PTCD2: variants seen among roughly 807,000 people sequenced by gnomAD.
PTCD2 encodes pentatricopeptide repeat domain 2.
A neutral mutation model predicts 42.6 loss-of-function variants in PTCD2; 31 were observed. That is an observed-to-expected ratio of 0.73 (90% CI 0.55 to 0.98). PTCD2 has a LOEUF of 0.98. Among genes scored for constraint, PTCD2 ranks in the 50% least tolerant of loss-of-function variants. The pLI, the probability that PTCD2 is intolerant of heterozygous loss-of-function variation, is 0.00. For missense variants in PTCD2, 476 were observed against 454.8 expected (o/e 1.05, Z -0.42); for synonymous variants, 183 against 170.9 (o/e 1.07, Z -0.55).
intron 3 of PTCD2, among the ~76,000 whole-genome samples, chr5:72,328,552 G>C (rs910136145): frequency 6.6e-6 from 1 of 152,152 alleles, no homozygotes; most frequent in Non-Finnish European, 1.5e-5. Context: ...AGAGAGGGAA[G>C]AAATTGATGG....
intron 8 of PTCD2, among the ~76,000 whole-genome samples, chr5:72,346,799 G>A (rs1442617137): frequency 6.6e-6 from 1 of 152,152 alleles, no homozygotes; most frequent in East Asian, 1.9e-4. Context: ...GGACAGAATA[G>A]AACTGCTGGG....
At position 72,365,583 on chromosome 5, in the gene PTCD2, AG is replaced by A. The variant is rs951067402; in HGVS notation, c.*7159del. 6.6e-6 allele frequency: 1 copy of A among 152,212 alleles called. No individual in the cohort carries two copies. Among genetic ancestry groups the A allele is most frequent in the Non-Finnish European group, 1.5e-5 (1 of 68,048 alleles). The allele number at this position is 152,212 out of a possible 1,614,324, so 9.4% of individuals were successfully genotyped here. On this transcript the variant is annotated 3_prime_UTR_variant, in exon 10 of 10. Coordinates refer to ENST00000380639, the MANE Select transcript of PTCD2 (RefSeq NM_024754.5). ...CTGCTGATGTATTCTACCGCATCCC[AG>A]GGAGACTCATGTAGCCATGAAGACT...
Position 72,320,389 on chromosome 5 carries a change from C to G in PTCD2, c.7C>G (p.Arg3Gly), listed in dbSNP as rs1580129412. 1 of 1,614,042 alleles carries G rather than the reference C, an allele frequency of 6.2e-7. No individual in the cohort carries two copies. Among genetic ancestry groups the G allele is most frequent in the Non-Finnish European group, 8.5e-7 (1 of 1,179,990 alleles). Reference sequence around the variant, plus strand: ...CCCGGTTCCAGTAGTTGGTATGGTCCGAGACAGTATGGCTGCTGCATTTCG... The same window carrying G: ...CCCGGTTCCAGTAGTTGGTATGGTCGGAGACAGTATGGCTGCTGCATTTCG... Reference protein sequence around the residue: MVRDSMAAAFRPS... With the variant: MVGDSMAAAFRPS... The change falls in exon 1 of 10, where the codon CGA becomes GGA. Residue 3 changes from arginine to glycine, a missense_variant. Physicochemically the swap from Arg to Gly is moderately radical, Grantham distance 125. Transcript: ENST00000380639.
intron 8 of PTCD2, among the ~76,000 whole-genome samples, chr5:72,346,291 A>G (rs915824205): frequency 4.6e-5 from 7 of 152,214 alleles, no homozygotes; most frequent in African/African-American, 9.7e-5. Context: ...ACTCAACTAT[A>G]TACACCTGGT....
Position 72,335,845 on chromosome 5 carries a change from A to G in PTCD2, c.599A>G (p.Lys200Arg). The change falls in exon 6 of 10, where the codon AAA becomes AGA. Residue 200 changes from lysine (K) to arginine (R), a missense_variant. Coordinates refer to ENST00000380639, the MANE Select transcript of PTCD2 (RefSeq NM_024754.5). ...EMKNQDVKFT[K>R]DTYVLAFAIC... is the part of the protein sequence containing the mutation. ...AAAAACCAAGATGTGAAGTTCACCA[A>G]AGATACCTATGTTCTTGCTTTTGCA... is the stretch of plus-strand genomic sequence containing the variant. 4 of 1,613,920 alleles carry G rather than the reference A, an allele frequency of 2.5e-6. No individual in the cohort carries two copies. The highest frequency in any genetic ancestry group is 2.7e-5 in the African/African-American group (2 of 75,046).
In PTCD2 at chr5:72,362,601, T is replaced by TC. The variant is rs1400555773; in HGVS notation, c.*4175dup. On this transcript the variant is annotated 3_prime_UTR_variant, in exon 10 of 10. Coordinates refer to ENST00000380639, the MANE Select transcript of PTCD2 (RefSeq NM_024754.5). ...TCCCAACCAAAGTGTCCCCACTCTT[T>TC]CTCTATTCTGTTCTGCCTATTATTC... is the stretch of plus-strand genomic sequence containing the variant. The TC allele has an allele frequency of 2.6e-5, 4 of 152,230 alleles. No homozygotes were observed. Among genetic ancestry groups the TC allele is most frequent in the Non-Finnish European group, 5.9e-5 (4 of 68,066 alleles). The allele number at this position is 152,230 out of a possible 1,614,324, so 9.4% of individuals were successfully genotyped here.
Position 72,365,747 on chromosome 5 carries a change from T to C in PTCD2, c.*7320T>C, listed in dbSNP as rs930850232. The stretch of plus-strand genomic sequence containing the variant: ...ATGAGGCTTTGGCCTAAAAAGCTTG[T>C]CATTATATAAAAAAGCTATAGAGAG... On this transcript the variant is annotated 3_prime_UTR_variant, in exon 10 of 10. Transcript: ENST00000380639. The C allele has an allele frequency of 1.3e-5, 2 of 152,190 alleles. No homozygotes were observed. The highest frequency in any genetic ancestry group is 2.9e-5 in the Non-Finnish European group (2 of 68,044). 9.4% of individuals were successfully genotyped at this position (152,190 alleles called of 1,614,324 possible).
chr5:72,349,678 C>T (rs1580182244), intron 8 of PTCD2, among the ~76,000 whole-genome samples: 1 of 152,164 alleles, frequency 6.6e-6, no homozygotes, highest in Non-Finnish European at 1.5e-5. Flanking sequence ...AAAATTTCCC[C>T]TGTTCCTTAC....
chr5:72,339,766 T>A (rs573664328), intron 7 of PTCD2, among the ~76,000 whole-genome samples: 1 of 150,346 alleles, frequency 6.7e-6, no homozygotes, highest in Admixed American at 6.6e-5. Context: ...TCATCACTGT[T>A]ACATCGTCAT....
intron 9 of PTCD2, among the ~76,000 whole-genome samples, chr5:72,353,282 A>G (rs188841343): frequency 6.5e-4 from 99 of 152,296 alleles, no homozygotes; most frequent in African/African-American, 2.1e-3. Flanking sequence ...TCAGTCCAGA[A>G]GTTGACTCAC....
intron 1 of PTCD2, among the ~76,000 whole-genome samples, chr5:72,321,605 A>G (rs1395138407): frequency 1.3e-5 from 2 of 152,206 alleles, no homozygotes; most frequent in African/African-American, 4.8e-5. Context: ...TAAAGAAAGG[A>G]TGATGTTTCC....
At chr5:72,344,749 G>T (rs62364786) in intron 8 of PTCD2, among the ~76,000 whole-genome samples, 2,512 of 152,202 alleles carry the variant, frequency 0.017, 28 homozygotes, top group Middle Eastern at 0.054. Context: ...GTGTCCGGGG[G>T]AGACATCACA....
chr5:72,327,367 G>T (rs1224335578), intron 3 of PTCD2, among the ~76,000 whole-genome samples: 1 of 152,166 alleles, frequency 6.6e-6, no homozygotes, highest in Admixed American at 6.5e-5. Context: ...CTGCCACTGG[G>T]AAAGCCAGCA....
Position 72,362,857 on chromosome 5 carries a change from A to G in PTCD2, c.*4430A>G, listed in dbSNP as rs1753125323. On this transcript the variant is annotated 3_prime_UTR_variant, in exon 10 of 10. Coordinates refer to ENST00000380639, the MANE Select transcript of PTCD2 (RefSeq NM_024754.5). ...CTTTTTGTTTCTGTAGGAGGTGCTCATTACAGAGTGGCCAAATTCCTACTG... is the reference window on the plus strand; with the variant it reads ...CTTTTTGTTTCTGTAGGAGGTGCTCGTTACAGAGTGGCCAAATTCCTACTG... 1 of 152,226 alleles carries G rather than the reference A, an allele frequency of 6.6e-6. No individual in the cohort carries two copies. Among genetic ancestry groups the G allele is most frequent in the African/African-American group, 2.4e-5 (1 of 41,458 alleles). 9.4% of individuals were successfully genotyped at this position (152,226 alleles called of 1,614,324 possible).
Position 72,359,140 on chromosome 5 carries a change from T to C in PTCD2, c.*713T>C, listed in dbSNP as rs1753028980. On this transcript the variant is annotated 3_prime_UTR_variant, in exon 10 of 10. Coordinates refer to ENST00000380639, the MANE Select transcript of PTCD2 (RefSeq NM_024754.5). The stretch of plus-strand genomic sequence containing the variant: ...ATTTAAATGACTACTGCTTTGTTCA[T>C]GGGTAAGCCATGTGCTTTTCAAAAT... 6.6e-6 allele frequency: 1 copy of C among 152,300 alleles called. No individual in the cohort carries two copies. The highest frequency in any genetic ancestry group is 2.4e-5 in the African/African-American group (1 of 41,466). 9.4% of individuals were successfully genotyped at this position (152,300 alleles called of 1,614,324 possible).
intron 8 of PTCD2, among the ~76,000 whole-genome samples, chr5:72,351,659 G>A (rs565966795): frequency 2.0e-5 from 3 of 152,296 alleles, no homozygotes; most frequent in African/African-American, 7.2e-5. Flanking sequence ...AAGGGAGAGA[G>A]CAGGGGCAAC....
intron 9 of PTCD2, among the ~76,000 whole-genome samples, chr5:72,354,315 C>T (rs1752757580): frequency 1.6e-5 from 2 of 125,082 alleles, no homozygotes; most frequent in Non-Finnish European, 3.2e-5. Flanking sequence ...GCACGAGAAT[C>T]GTTTGAACTA....
chr5:72,351,271 T>C (rs1000469373), intron 8 of PTCD2, among the ~76,000 whole-genome samples: 3 of 152,186 alleles, frequency 2.0e-5, no homozygotes, highest in Non-Finnish European at 2.9e-5. Flanking sequence ...CACAAGATAG[T>C]TGTGCACAAG....
intron 7 of PTCD2, among the ~76,000 whole-genome samples, chr5:72,341,751 TA>T (rs1462897912): frequency 2.6e-5 from 4 of 151,310 alleles, no homozygotes; most frequent in Admixed American, 2.6e-4. Flanking sequence ...CTCTAAAAAA[TA>T]AAAATTCTGG....
Sources: allele counts gnomAD v4.1 joint callset (sites outside exome capture counted in the v4.1 genomes callset), GRCh38; gene constraint gnomAD v4.1.1; transcripts MANE v1.5; gene names NCBI Gene and HGNC (gene_info 2026-07-23, HGNC 2026-07-21).